The following PCDH7 variants were observed in gnomAD, a reference collection of about 807,000 sequenced individuals.
The protein encoded by PCDH7 is protocadherin-7.
A neutral mutation model predicts 58.9 loss-of-function variants in PCDH7; 17 were observed. The observed-to-expected ratio is 0.29, with a 90% CI of 0.20 to 0.43. The LOEUF is 0.43. Ranked by LOEUF, PCDH7 falls within the 20% of genes least tolerant of loss-of-function variation. The pLI is 1.00. For synonymous variants in PCDH7, 664 were observed against 616.4 expected, an observed-to-expected ratio of 1.08 and a Z score of -1.14; for missense variants, 1,274 against 1,441.0, an observed-to-expected ratio of 0.88 and a Z score of 1.88.
At chr4:30,784,383 A>C (rs1044310755) in intron 1 of PCDH7, among the ~76,000 whole-genome samples, 2 of 152,166 alleles carry the variant, frequency 1.3e-5, no homozygotes, top group Non-Finnish European at 2.9e-5. Flanking sequence ...TTTGTTGAGC[A>C]CATCACAGCT....
At chr4:31,063,795 C>A (rs1757875339) in intron 3 of PCDH7, among the ~76,000 whole-genome samples, 1 of 151,828 alleles carries the variant, frequency 6.6e-6, no homozygotes, top group South Asian at 2.1e-4. Context: ...TTGACATGAG[C>A]ATTTCTAGAT....
chr4:30,903,156 ACTT>A (rs1237589922), intron 1 of PCDH7, among the ~76,000 whole-genome samples: 1 of 152,126 alleles, frequency 6.6e-6, no homozygotes, highest in African/African-American at 2.4e-5. Flanking sequence ...AAATATCATA[ACTT>A]AATATTATTT....
chr4:31,118,452 G>A (rs964351932), intron 3 of PCDH7, among the ~76,000 whole-genome samples: 1 of 152,062 alleles, frequency 6.6e-6, no homozygotes, highest in African/African-American at 2.4e-5. Context: ...TCATTTGGCG[G>A]TCTTTCCGTC....
intron 3 of PCDH7, among the ~76,000 whole-genome samples, chr4:30,981,140 C>A (rs922922244): frequency 6.6e-6 from 1 of 152,172 alleles, no homozygotes; most frequent in Non-Finnish European, 1.5e-5. Flanking sequence ...CTGCGCCTGG[C>A]CTATTTATTT....
At chr4:31,007,606 T>C (rs963896406) in intron 3 of PCDH7, among the ~76,000 whole-genome samples, 2 of 151,566 alleles carry the variant, frequency 1.3e-5, no homozygotes, top group Non-Finnish European at 1.5e-5. Flanking sequence ...TTTTTAAATA[T>C]GTGGATGCTC....
chr4:30,954,138 A>G (rs1747619553), intron 3 of PCDH7, among the ~76,000 whole-genome samples: 1 of 152,114 alleles, frequency 6.6e-6, no homozygotes, highest in Non-Finnish European at 1.5e-5. Flanking sequence ...TTATGGATAG[A>G]TTATGGCACA....
At chr4:30,930,809 C>T (rs1744481538) in intron 2 of PCDH7, among the ~76,000 whole-genome samples, 1 of 151,868 alleles carries the variant, frequency 6.6e-6, no homozygotes, top group African/African-American at 2.4e-5. Context: ...TGTGGTGGCA[C>T]ATGCCTGTAG....
chr4:31,016,495 C>T (rs971869528), intron 3 of PCDH7, among the ~76,000 whole-genome samples: 2 of 150,148 alleles, frequency 1.3e-5, no homozygotes, highest in Non-Finnish European at 2.9e-5. Context: ...ACAGATTGTG[C>T]ATTGAGCAAC....
intron 2 of PCDH7, among the ~76,000 whole-genome samples, chr4:30,942,426 A>G (rs1316011939): frequency 2.0e-5 from 3 of 152,004 alleles, no homozygotes; most frequent in Non-Finnish European, 2.9e-5. Flanking sequence ...TCTACAAGGT[A>G]TAAATTTTTA....
intron 1 of PCDH7, among the ~76,000 whole-genome samples, chr4:30,890,706 T>C (rs1308535861): frequency 6.6e-6 from 1 of 152,098 alleles, no homozygotes; most frequent in Non-Finnish European, 1.5e-5. Flanking sequence ...TCTTGGGAAA[T>C]GGAATGCATA....
At chr4:30,968,243 A>G (rs1352364281) in intron 3 of PCDH7, among the ~76,000 whole-genome samples, 1 of 148,144 alleles carries the variant, frequency 6.8e-6, no homozygotes, top group Non-Finnish European at 1.5e-5. Context: ...CACAAATTCA[A>G]GATGCAGTGA....
downstream of PCDH7, among the ~76,000 whole-genome samples, chr4:30,734,804 G>C (rs1716020152): frequency 2.0e-5 from 3 of 152,264 alleles, no homozygotes; most frequent in South Asian, 6.2e-4. Flanking sequence ...TAGGTAGCCT[G>C]CAGATCCATC....
At chr4:30,854,820 G>C (rs534368243) in intron 1 of PCDH7, among the ~76,000 whole-genome samples, 66 of 152,156 alleles carry the variant, frequency 4.3e-4, no homozygotes, top group African/African-American at 1.3e-3. Flanking sequence ...GTAGTGGGAT[G>C]ATGGCCATAA....
chr4:30,937,298 G>C (rs1047715536), intron 2 of PCDH7, among the ~76,000 whole-genome samples: 2 of 151,926 alleles, frequency 1.3e-5, no homozygotes, highest in African/African-American at 4.8e-5. Context: ...CTGAATATAG[G>C]AAAATATTTC....
At chr4:30,967,692 G>T (rs978382360) in intron 3 of PCDH7, among the ~76,000 whole-genome samples, 1 of 152,040 alleles carries the variant, frequency 6.6e-6, no homozygotes, top group Non-Finnish European at 1.5e-5. Context: ...GTTGACCTAC[G>T]TAAGCCTTCT....
chr4:30,987,771 T>TC (rs1418007869), intron 3 of PCDH7: 152 of 152,268 alleles, frequency 1.0e-3, no homozygotes, highest in African/African-American at 3.6e-3. Context: ...ATAAGAATAT[T>TC]TTTATTTTTA....
At chr4:30,742,378 T>C (rs568778426) in intron 1 of PCDH7, among the ~76,000 whole-genome samples, 1 of 152,294 alleles carries the variant, frequency 6.6e-6, no homozygotes, top group East Asian at 1.9e-4. Flanking sequence ...GTGTCTGATG[T>C]CTCCACTGTG....
downstream of PCDH7, among the ~76,000 whole-genome samples, chr4:30,734,467 C>T (rs1473081262): frequency 6.6e-6 from 1 of 152,116 alleles, no homozygotes. Context: ...CTCCTGACCT[C>T]AAGTGATCCA....
At chr4:30,940,918 T>G (rs7692914) in intron 2 of PCDH7, among the ~76,000 whole-genome samples, 73,040 of 151,566 alleles carry the variant, frequency 0.48, 17,816 homozygotes, top group African/African-American at 0.56. Flanking sequence ...AATAAAACAT[T>G]GAGAATATAT....
Sources: allele counts gnomAD v4.1 joint callset (sites outside exome capture counted in the v4.1 genomes callset), GRCh38; gene constraint gnomAD v4.1.1; transcripts MANE v1.5; gene names NCBI Gene and HGNC (gene_info 2026-07-23, HGNC 2026-07-21).